SERF2: variants seen among roughly 807,000 people sequenced by gnomAD.
SERF2 encodes gastric cancer-related protein VRG107.
A neutral mutation model predicts 10.7 loss-of-function variants in SERF2; 4 were observed. The ratio of observed to expected loss-of-function variants is 0.37; its 90% CI spans 0.18 to 0.86. The LOEUF is 0.86. SERF2 is among the 40% of genes least tolerant of loss of function. The probability of loss-of-function intolerance (pLI) is 0.43; values close to 1 mark genes in which losing one functional copy is unlikely to be tolerated. For missense variants in SERF2, 47 were observed against 79.1 expected, an observed-to-expected ratio of 0.59 and a Z score of 1.54; for synonymous variants, 26 against 26.0, an observed-to-expected ratio of 1.00 and a Z score of 0.01.
At chr15:43,792,598 G>T in intron 1 of SERF2, 1 of 1,443,210 alleles carries the variant, frequency 6.9e-7, no homozygotes, top group Non-Finnish European at 9.1e-7. Context: ...AGGCCCTCCC[G>T]GATCTTCCGC....
intron 2 of SERF2, 100 bp from the exon 3 acceptor site, chr15:43,793,610 C>T (rs761435279): frequency 2.7e-5 from 44 of 1,605,774 alleles, no homozygotes; most frequent in Non-Finnish European, 2.0e-5. Context: ...TGAACTTAGT[C>T]CCATCCACTT....
chr15:43,793,500 TC>T, intron 2 of SERF2: 1 of 1,419,314 alleles, frequency 7.0e-7, no homozygotes. Flanking sequence ...TCACCAGACT[TC>T]TGACCCCTTG....
At chr15:43,791,473 G>C (rs1412633322), upstream of SERF2, among the ~76,000 whole-genome samples, 1 of 151,670 alleles carries the variant, frequency 6.6e-6, no homozygotes, top group Non-Finnish European at 1.5e-5. Flanking sequence ...CTGACCTTCT[G>C]ATCTGCCCAC....
rs1045992670 is a variant in SERF2, at chr15:43,783,378, A to T, written c.-526-2032A>T. 2.1e-5 allele frequency among the ~76,000 whole-genome samples: 3 copies of T among 146,202 alleles called. No individual in the cohort carries two copies. The East Asian group carries it at 6.1e-4, about 30-fold the overall frequency. Reference sequence around the variant, plus strand: ...AGTGGCATGATCTCGGCTCACTGCAACCTCTGCCTTCTGGGTTCAAGCAAT... The same window carrying T: ...AGTGGCATGATCTCGGCTCACTGCATCCTCTGCCTTCTGGGTTCAAGCAAT... On this transcript the variant is annotated intron_variant, in intron 1 of 4. Transcript: ENST00000381359.
chr15:43,779,116 GCTAAAGC>G (rs563792967), intron 1 of SERF2, among the ~76,000 whole-genome samples: 26 of 152,308 alleles, frequency 1.7e-4, no homozygotes, highest in African/African-American at 6.3e-4. Flanking sequence ...TTCAGGATTA[GCTAAAGC>G]CTAAAGGTAG....
intron 1 of SERF2, among the ~76,000 whole-genome samples, chr15:43,781,115 T>G (rs1321837644): frequency 6.6e-6 from 1 of 152,182 alleles, no homozygotes. Flanking sequence ...CTCTGATAAC[T>G]GAGATGGCTA....
chr15:43,781,970 C>T (rs1477485104), intron 1 of SERF2, among the ~76,000 whole-genome samples: 1 of 151,546 alleles, frequency 6.6e-6, no homozygotes, highest in African/African-American at 2.4e-5. Context: ...CTCACTGCAA[C>T]CTCTGCCTCC....
chr15:43,795,971 T>C lies in SERF2; in HGVS notation c.*2198T>C. 1 of 644,724 alleles carries C rather than the reference T, an allele frequency of 1.6e-6. No homozygotes were observed. The highest frequency in any genetic ancestry group is 2.7e-6 in the Non-Finnish European group (1 of 364,190). 39.9% of individuals were successfully genotyped at this position (644,724 alleles called of 1,614,324 possible). A position where few individuals can be genotyped will look rare whatever the true frequency, so the allele number is the denominator to read the frequency against. ...AAATACCTACCTCACAGGGTTGTTG[T>C]GAGGGTTAAATTAAATGAGATTATG... On this transcript the variant is annotated 3_prime_UTR_variant, in exon 3 of 3. Coordinates refer to ENST00000249786, the MANE Select transcript of SERF2 (RefSeq NM_001018108.4).
chr15:43,792,795 G>A, intron 1 of SERF2, 180 bp from the exon 2 acceptor site: 1 of 683,642 alleles, frequency 1.5e-6, no homozygotes, highest in Non-Finnish European at 2.4e-6. Flanking sequence ...ATTTTGACCT[G>A]GCCCGTGGCA....
intron 2 of SERF2, chr15:43,793,456 T>G (rs2087119943): frequency 1.0e-6 from 1 of 1,003,030 alleles, no homozygotes; most frequent in East Asian, 2.7e-5. Flanking sequence ...CTGGGTGTGG[T>G]CCTCAATACA....
At position 43,792,336 on chromosome 15, in the gene SERF2, A is replaced by G; in HGVS notation, c.-41A>G. On this transcript the variant is annotated 5_prime_UTR_variant, in exon 1 of 3. Transcript: ENST00000249786. Reference sequence around the variant, plus strand: ...GGGACCTGCAACGTCCGACAGAACGAGGGGACGTAACGGAGGCAGGTTGGA... The same window carrying G: ...GGGACCTGCAACGTCCGACAGAACGGGGGGACGTAACGGAGGCAGGTTGGA... 1 of 1,517,526 alleles carries G rather than the reference A, an allele frequency of 6.6e-7. No homozygotes were observed. Among genetic ancestry groups the G allele is most frequent in the Non-Finnish European group, 9.2e-7 (1 of 1,091,992 alleles). The allele number at this position is 1,517,526 out of a possible 1,614,324, so 94.0% of individuals were successfully genotyped here. A position where few individuals can be genotyped will look rare whatever the true frequency, so the allele number is the denominator to read the frequency against.
At chr15:43,777,396 G>A (rs2141664002) in exon 1 of SERF2, 1 of 290,892 alleles carries the variant, frequency 3.4e-6, no homozygotes, top group East Asian at 9.8e-5. Flanking sequence ...GAGCTTCGGA[G>A]ACCCGAGAGA....
At chr15:43,781,390 AC>A (rs2086962683) in intron 1 of SERF2, among the ~76,000 whole-genome samples, 1 of 152,064 alleles carries the variant, frequency 6.6e-6, no homozygotes, top group Admixed American at 6.6e-5. Flanking sequence ...TCCCATGTCT[AC>A]TAAAAACACA....
Position 43,794,210 on chromosome 15 carries a change from C to G in SERF2, c.*437C>G. The stretch of plus-strand genomic sequence containing the variant: ...CCTTTATTATACAATGACAACCAAA[C>G]AAGTACTCCGGATATGCAGTAGAGG... On this transcript the variant is annotated 3_prime_UTR_variant, in exon 3 of 3. Coordinates refer to ENST00000249786, the MANE Select transcript of SERF2 (RefSeq NM_001018108.4). 1 of 503,312 alleles carries G rather than the reference C, an allele frequency of 2.0e-6. No individual in the cohort carries two copies. Among genetic ancestry groups the G allele is most frequent in the Non-Finnish European group, 3.5e-6 (1 of 284,744 alleles). The allele number at this position is 503,312 out of a possible 1,614,324, so 31.2% of individuals were successfully genotyped here.
intron 1 of SERF2, among the ~76,000 whole-genome samples, chr15:43,778,467 T>C (rs2086939288): frequency 6.8e-6 from 1 of 147,270 alleles, no homozygotes; most frequent in South Asian, 2.2e-4. Flanking sequence ...CTTGAATCCA[T>C]GAATCAGGTT....
At chr15:43,778,665 T>C (rs7178230) in intron 1 of SERF2, among the ~76,000 whole-genome samples, 117,365 of 147,528 alleles carry the variant, frequency 0.8, 47,211 homozygotes, top group East Asian at 1. Flanking sequence ...TTTGGGAGGC[T>C]GAGGCAGGTG....
At position 43,794,216 on chromosome 15, in the gene SERF2, C is replaced by A; in HGVS notation, c.*443C>A. 1 of 493,224 alleles carries A rather than the reference C, an allele frequency of 2.0e-6. No individual in the cohort carries two copies. Among genetic ancestry groups the A allele is most frequent in the Non-Finnish European group, 3.6e-6 (1 of 278,582 alleles). The allele number at this position is 493,224 out of a possible 1,614,324, so 30.6% of individuals were successfully genotyped here. A position where few individuals can be genotyped will look rare whatever the true frequency, so the allele number is the denominator to read the frequency against. On this transcript the variant is annotated 3_prime_UTR_variant, in exon 3 of 3. Transcript: ENST00000249786. ...TTATACAATGACAACCAAACAAGTA[C>A]TCCGGATATGCAGTAGAGGAATCCT...
At chr15:43,793,478 C>T (rs752183372) in intron 2 of SERF2, 3 of 1,252,712 alleles carry the variant, frequency 2.4e-6, no homozygotes, top group Non-Finnish European at 3.3e-6. Flanking sequence ...AATAGAGACC[C>T]TTGGGCCTGT....
upstream of SERF2, chr15:43,792,130 T>C (rs988134064): frequency 5.6e-5 from 31 of 550,168 alleles, no homozygotes; most frequent in South Asian, 7.7e-5. Flanking sequence ...CGTCCCTACG[T>C]CTCACTCGGG....
Sources: allele counts gnomAD v4.1 joint callset (sites outside exome capture counted in the v4.1 genomes callset), GRCh38; gene constraint gnomAD v4.1.1; transcripts MANE v1.5; gene names NCBI Gene and HGNC (gene_info 2026-07-23, HGNC 2026-07-21).